Variants in UBXN11 observed in about 807,000 individuals in gnomAD.
UBXN11 encodes the protein UBX domain protein 11, also known as UBX domain-containing protein 11.
Under a neutral mutation model 62.8 loss-of-function variants are expected in UBXN11, and 47 were observed. The observed-to-expected ratio is 0.75, with a 90% CI of 0.59 to 0.95. The LOEUF is 0.95. Ranked by LOEUF, UBXN11 falls within the 40% of genes least tolerant of loss-of-function variation. The pLI is 0.00. For missense variants in UBXN11, 638 were observed against 661.7 expected (o/e 0.96, Z 0.39); for synonymous variants, 294 against 267.0 (o/e 1.10, Z -0.99).
intron 8 of UBXN11, among the ~76,000 whole-genome samples, chr1:26,291,590 G>A (rs1004280841): frequency 6.6e-6 from 1 of 152,162 alleles, no homozygotes; most frequent in African/African-American, 2.4e-5. Flanking sequence ...GTCCCCCCTG[G>A]CCAGGAGGAA....
intron 1 of UBXN11, among the ~76,000 whole-genome samples, chr1:26,305,841 ACTCT>A (rs1334325816): frequency 6.6e-6 from 1 of 151,788 alleles, no homozygotes; most frequent in Non-Finnish European, 1.5e-5. Flanking sequence ...TGCAGGCTAA[ACTCT>A]CTCACATATA....
At position 26,297,597 on chromosome 1, in the gene UBXN11, C is replaced by G. The variant is rs2073424662; in HGVS notation, c.301-116G>C. On this transcript the variant is annotated intron_variant, in intron 5 of 14. Coordinates refer to ENST00000374222, the MANE Select transcript of UBXN11 (RefSeq NM_001389556.1). The stretch of plus-strand genomic sequence containing the variant: ...GCTGGGGAGCAGCAAGCCCCTGCCA[C>G]CCTTTGGCACAGCCACTTCTCCCGG... 3 of 1,249,778 alleles carry G rather than the reference C, an allele frequency of 2.4e-6. No individual in the cohort carries two copies. In the East Asian group the frequency reaches 7.8e-5, roughly 33 times the overall value. 77.4% of individuals were successfully genotyped at this position (1,249,778 alleles called of 1,614,324 possible). A position where few individuals can be genotyped will look rare whatever the true frequency, so the allele number is the denominator to read the frequency against.
Position 26,300,975 on chromosome 1 carries a change from G to C in UBXN11, c.150C>G (p.Ile50Met). 6.2e-7 allele frequency: 1 copy of C among 1,614,192 alleles called. No individual in the cohort carries two copies. The highest frequency in any genetic ancestry group is 8.5e-7 in the Non-Finnish European group (1 of 1,180,016). Residue 50 changes from isoleucine to methionine, a missense_variant, in exon 4 of 15, where the codon ATC (isoleucine) becomes ATG (methionine). Physicochemically the swap from Ile to Met is conservative, Grantham distance 10. Coordinates refer to ENST00000374222, the MANE Select transcript of UBXN11 (RefSeq NM_001389556.1). ...TGCCGCCATAGCAGGAAGGGACTGA[G>C]ATCTTTTCTTCTGAGCCACACCCAT... ...LSDGCGSEEK[I>M]SVPSCYGGIG...
chr1:26,308,755 T>TA (rs2073708806), upstream of UBXN11, among the ~76,000 whole-genome samples: 1 of 152,264 alleles, frequency 6.6e-6, no homozygotes, highest in South Asian at 2.1e-4. Context: ...GTCTGCCCTC[T>TA]GATTCCTGCC....
At chr1:26,285,700 G>A (rs367845136) in intron 9 of UBXN11, 123 bp downstream of exon 9, 59 of 1,395,146 alleles carry the variant, frequency 4.2e-5, no homozygotes, top group Admixed American at 3.2e-4. Flanking sequence ...TCTGCAAGTC[G>A]TGTGTGGGCC....
rs34193565 is a variant in UBXN11, at chr1:26,315,960, C to CTTTTTT, written c.-149+2081_-149+2086dup. 1.4e-3 allele frequency among the ~76,000 whole-genome samples: 158 copies of CTTTTTT among 114,480 alleles called. 14 individuals are homozygous for CTTTTTT. The highest frequency in any genetic ancestry group is 1.7e-3 in the Non-Finnish European group (102 of 58,290). 75.1% of individuals were successfully genotyped at this position (114,480 alleles called of 152,430 possible). A position where few individuals can be genotyped will look rare whatever the true frequency, so the allele number is the denominator to read the frequency against. ...CAGGCGTGAGCCACTGTTTCCTGGC[C>CTTTTTT]TTTTTTTTTTTTTTTTTGAGACAGG... On this transcript the variant is annotated intron_variant, in intron 1 of 14. Transcript: ENST00000374217.
At chr1:26,314,473 C>T (rs536037087) in intron 1 of UBXN11, among the ~76,000 whole-genome samples, 2 of 152,330 alleles carry the variant, frequency 1.3e-5, no homozygotes, top group South Asian at 4.1e-4. Flanking sequence ...AGGAAAGCAG[C>T]TCCATATAAA....
Position 26,301,677 on chromosome 1 carries a change from G to A in UBXN11, c.100+17C>T, listed in dbSNP as rs778198568. On this transcript the variant is annotated intron_variant, in intron 3 of 14. Transcript: ENST00000374222. ...CACATGAGAGGCGAAGAGGGCACGA[G>A]GGCGGGGCACACTTACCATCTCCAT... is the stretch of plus-strand genomic sequence containing the variant. 12 of 1,613,736 alleles carry A rather than the reference G, an allele frequency of 7.4e-6. No individual in the cohort carries two copies. The highest frequency in any genetic ancestry group is 1.0e-5 in the Non-Finnish European group (12 of 1,179,834).
intron 8 of UBXN11, among the ~76,000 whole-genome samples, chr1:26,287,526 C>G (rs567152543): frequency 7.0e-4 from 107 of 152,118 alleles, no homozygotes; most frequent in Non-Finnish European, 1.3e-3. Context: ...TTTGGGGCCT[C>G]AGAGAGGCTG....
chr1:26,315,660 T>A (rs1388197148), intron 1 of UBXN11, among the ~76,000 whole-genome samples: 4 of 152,198 alleles, frequency 2.6e-5, no homozygotes. Flanking sequence ...TCTTCTTTTC[T>A]TCTCTTCTCT....
At chr1:26,290,455 AG>A (rs1335627111) in intron 8 of UBXN11, among the ~76,000 whole-genome samples, 5 of 152,142 alleles carry the variant, frequency 3.3e-5, no homozygotes, top group African/African-American at 1.2e-4. Context: ...GGGCAGTCAG[AG>A]TTTGCTGGCG....
intron 1 of UBXN11, among the ~76,000 whole-genome samples, chr1:26,313,960 T>G (rs2073767250): frequency 1.3e-5 from 2 of 151,944 alleles, no homozygotes; most frequent in African/African-American, 4.8e-5. Context: ...TTTTGTATTT[T>G]TAGTAGAGAT....
intron 8 of UBXN11, among the ~76,000 whole-genome samples, chr1:26,286,995 G>A (rs1253227668): frequency 6.6e-6 from 1 of 152,178 alleles, no homozygotes; most frequent in Non-Finnish European, 1.5e-5. Context: ...CACCACGCCA[G>A]GCTGAGGCAG....
intron 7 of UBXN11, among the ~76,000 whole-genome samples, chr1:26,295,796 C>G (rs2073377634): frequency 1.3e-5 from 2 of 152,254 alleles, no homozygotes; most frequent in African/African-American, 4.8e-5. Context: ...CTGGCAGCCT[C>G]ATGCAGGCGG....
chr1:26,302,741 T>C, intron 2 of UBXN11, 72 bp downstream of exon 2: 1 of 1,515,830 alleles, frequency 6.6e-7, no homozygotes, highest in Non-Finnish European at 9.1e-7. Flanking sequence ...GGAGTCACTG[T>C]CCTCTGGCCA....
intron 1 of UBXN11, among the ~76,000 whole-genome samples, chr1:26,305,213 G>A (rs1319312021): frequency 6.6e-6 from 1 of 151,992 alleles, no homozygotes; most frequent in Non-Finnish European, 1.5e-5. Flanking sequence ...CAATTCTCCT[G>A]CCTCAGCCTC....
chr1:26,282,323 AGGACAGGGACTGGGGCCGGGACCG>A lies in UBXN11; in HGVS notation c.1515_1538del (p.Gly506_Pro513del), dbSNP rs1293535734. 6.5e-6 allele frequency: 9 copies of A among 1,386,618 alleles called. No individual in the cohort carries two copies. In the East Asian group the frequency reaches 2.7e-4, roughly 41 times the overall value. 85.9% of individuals were successfully genotyped at this position (1,386,618 alleles called of 1,614,324 possible). A position where few individuals can be genotyped will look rare whatever the true frequency, so the allele number is the denominator to read the frequency against. On this transcript the variant is annotated inframe_deletion, in exon 15 of 15. Transcript: ENST00000374222. ...TTTATTGGGGGCTGGGACTGGGTCCAGGACAGGGACTGGGGCCGGGACCGGGACCGGGACTGGGGCCGGGACCGG... is the reference window on the plus strand; with the variant it reads ...TTTATTGGGGGCTGGGACTGGGTCCAGGACCGGGACTGGGGCCGGGACCGG...
upstream of UBXN11, among the ~76,000 whole-genome samples, chr1:26,309,319 C>T (rs962522857): frequency 9.5e-5 from 14 of 147,990 alleles, no homozygotes; most frequent in African/African-American, 2.5e-4. Flanking sequence ...CAGCTCACTG[C>T]AATCTCCAAC....
chr1:26,287,978 C>T (rs1355895031), intron 8 of UBXN11, among the ~76,000 whole-genome samples: 2 of 150,586 alleles, frequency 1.3e-5, no homozygotes, highest in African/African-American at 4.9e-5. Context: ...AGTCATGATA[C>T]TGCAACCGTG....
Sources: allele counts gnomAD v4.1 joint callset (sites outside exome capture counted in the v4.1 genomes callset), GRCh38; gene constraint gnomAD v4.1.1; transcripts MANE v1.5; gene names NCBI Gene and HGNC (gene_info 2026-07-23, HGNC 2026-07-21).